Variants in NDRG4 observed in about 807,000 individuals in gnomAD.
The protein encoded by NDRG4 is protein NDRG4.
In NDRG4, 38 loss-of-function variants were observed where a neutral mutation model predicts 55.8. The ratio of observed to expected loss-of-function variants is 0.68; its 90% CI spans 0.53 to 0.89. NDRG4 has a LOEUF of 0.89. Ranked by LOEUF, NDRG4 falls within the 40% of genes least tolerant of loss-of-function variation. The pLI is 0.00. For synonymous variants in NDRG4, 190 were observed against 182.7 expected (o/e 1.04, Z -0.32); for missense variants, 455 against 468.6 (o/e 0.97, Z 0.27).
rs918778106 is a variant in NDRG4, at chr16:58,511,719, C to T, written c.*143C>T. 1.0e-5 allele frequency: 10 copies of T among 977,102 alleles called. No individual in the cohort carries two copies. In the African/African-American group the frequency reaches 1.6e-4, roughly 16 times the overall value. 60.5% of individuals were successfully genotyped at this position (977,102 alleles called of 1,614,324 possible). On this transcript the variant is annotated 3_prime_UTR_variant, in exon 15 of 15. Transcript: ENST00000570248. Reference sequence around the variant, plus strand: ...GAAAAAAATGAGGGGATCTTAGATGCTGCAGCAGAACAGTCTCCAGGTGTT... The same window carrying T: ...GAAAAAAATGAGGGGATCTTAGATGTTGCAGCAGAACAGTCTCCAGGTGTT...
At chr16:58,507,890 T>C (rs776238855) in intron 9 of NDRG4, 26 bp downstream of exon 9, 3 of 1,613,976 alleles carry the variant, frequency 1.9e-6, no homozygotes, top group African/African-American at 1.3e-5. Context: ...CCCTCTGGCC[T>C]GCCCTGGCCT....
chr16:58,472,167 G>A (rs2032946913), intron 1 of NDRG4: 1 of 152,208 alleles, frequency 6.6e-6, no homozygotes, highest in African/African-American at 2.4e-5. Flanking sequence ...TAAAGGAAGT[G>A]CACTCAGCCT....
intron 2 of NDRG4, among the ~76,000 whole-genome samples, chr16:58,492,984 A>G (rs144240543): frequency 6.6e-6 from 1 of 152,138 alleles, no homozygotes; most frequent in African/African-American, 2.4e-5. Context: ...GCCATTCTCT[A>G]TGTGACAGTC....
At chr16:58,466,656 C>T (rs895046584) in intron 1 of NDRG4, among the ~76,000 whole-genome samples, 1 of 152,214 alleles carries the variant, frequency 6.6e-6, no homozygotes, top group African/African-American at 2.4e-5. Context: ...GACAACCCAT[C>T]CCCTCTGTTG....
chr16:58,504,480 C>T, intron 4 of NDRG4, 59 bp downstream of exon 4: 1 of 1,610,774 alleles, frequency 6.2e-7, no homozygotes, highest in Non-Finnish European at 8.5e-7. Flanking sequence ...AACTGCAGAG[C>T]CACCTGGCTC....
chr16:58,485,285 GTC>G (rs2034960607), intron 1 of NDRG4, among the ~76,000 whole-genome samples: 1 of 152,176 alleles, frequency 6.6e-6, no homozygotes. Flanking sequence ...GCCCTGGACT[GTC>G]TGTTTTTCAT....
Position 58,464,725 on chromosome 16 carries a change from C to G in NDRG4, c.-24+928C>G. ...GTGGCCCCATGGGGTCTCTGACCAGCGGAGCTCGGATTAGGACCCTGAAAG... is the reference window on the plus strand; with the variant it reads ...GTGGCCCCATGGGGTCTCTGACCAGGGGAGCTCGGATTAGGACCCTGAAAG... On this transcript the variant is annotated intron_variant, in intron 1 of 15. Transcript: ENST00000258187. This position sits in a 1 kb window ranked among gnomAD's most constrained non-coding sequence, Gnocchi z 4.8. 4.0e-6 allele frequency: 5 copies of G among 1,257,800 alleles called. No homozygotes were observed. The highest frequency in any genetic ancestry group is 3.2e-5 in the East Asian group (1 of 31,506). 77.9% of individuals were successfully genotyped at this position (1,257,800 alleles called of 1,614,324 possible).
intron 1 of NDRG4, chr16:58,501,375 A>T (rs1488227967): frequency 3.3e-6 from 1 of 299,746 alleles, no homozygotes; most frequent in Non-Finnish European, 6.1e-6. Flanking sequence ...GGACCGACCG[A>T]GAGGAGCCGC....
intron 1 of NDRG4, among the ~76,000 whole-genome samples, chr16:58,502,523 C>G (rs1020106421): frequency 6.6e-6 from 1 of 152,250 alleles, no homozygotes; most frequent in Non-Finnish European, 1.5e-5. Flanking sequence ...CAGGCCTGGA[C>G]AGTGGTCCTC....
At chr16:58,511,090 T>G in intron 14 of NDRG4, 1 of 473,334 alleles carries the variant, frequency 2.1e-6, no homozygotes, top group East Asian at 3.5e-5. Flanking sequence ...GAGGGCAGTA[T>G]GCGACCACCG....
At position 58,506,620 on chromosome 16, in the gene NDRG4, G is replaced by A. The variant is rs372969385; in HGVS notation, c.516+6G>A. The stretch of plus-strand genomic sequence containing the variant: ...TCTCCCACCTCTTCAGCCAGGTAAG[G>A]GGGGGAACTTCTGCAGATCTGGGGT... On this transcript the variant is annotated splice_donor_region_variant and intron_variant, in intron 7 of 14. Transcript: ENST00000570248. The A allele has an allele frequency of 7.7e-6, 12 of 1,552,668 alleles. No individual in the cohort carries two copies. The highest frequency in any genetic ancestry group is 1.8e-4 in the Middle Eastern group (1 of 5,632).
intron 5 of NDRG4, among the ~76,000 whole-genome samples, chr16:58,505,619 T>C (rs1284930174): frequency 1.3e-5 from 2 of 151,728 alleles, no homozygotes; most frequent in African/African-American, 4.8e-5. Flanking sequence ...AGTCTAACAG[T>C]TGAAAAGAAA....
chr16:58,491,677 C>G (rs181164711), intron 2 of NDRG4, among the ~76,000 whole-genome samples: 1 of 152,090 alleles, frequency 6.6e-6, no homozygotes, highest in Non-Finnish European at 1.5e-5. Context: ...TCAGGCTGGC[C>G]TCAAACTCCC....
At chr16:58,502,306 T>C (rs1230600943) in intron 1 of NDRG4, among the ~76,000 whole-genome samples, 1 of 151,972 alleles carries the variant, frequency 6.6e-6, no homozygotes, top group Non-Finnish European at 1.5e-5. Context: ...GGAGGGGCTG[T>C]GTGGTCTGTC....
chr16:58,479,556 A>G (rs932922959), intron 1 of NDRG4, among the ~76,000 whole-genome samples: 1 of 152,224 alleles, frequency 6.6e-6, no homozygotes, highest in African/African-American at 2.4e-5. Flanking sequence ...ACCCACTGCC[A>G]TCCAGCCAGC....
At chr16:58,488,341 A>G (rs2035376450) in intron 2 of NDRG4, among the ~76,000 whole-genome samples, 1 of 152,210 alleles carries the variant, frequency 6.6e-6, no homozygotes, top group African/African-American at 2.4e-5. Flanking sequence ...ACAGGTTATG[A>G]TTTTGTCCCA....
intron 1 of NDRG4, among the ~76,000 whole-genome samples, chr16:58,474,552 C>T (rs1457313622): frequency 6.6e-6 from 1 of 152,162 alleles, no homozygotes; most frequent in Non-Finnish European, 1.5e-5. Context: ...TCTCTCCCCT[C>T]CTGTGAAGCT....
chr16:58,507,064 C>A, intron 8 of NDRG4, 49 bp downstream of exon 8: 2 of 1,414,710 alleles, frequency 1.4e-6, no homozygotes, highest in Non-Finnish European at 2.0e-6. Flanking sequence ...CCAGTGGGGG[C>A]CCTTGCACAC....
intron 1 of NDRG4, among the ~76,000 whole-genome samples, chr16:58,487,419 C>T (rs1282521270): frequency 6.6e-6 from 1 of 151,976 alleles, no homozygotes; most frequent in Non-Finnish European, 1.5e-5. Flanking sequence ...ACTTGGGAGG[C>T]TGAGGAAGGA....
Sources: allele counts gnomAD v4.1 joint callset (sites outside exome capture counted in the v4.1 genomes callset), GRCh38; gene constraint gnomAD v4.1.1; non-coding constraint Gnocchi (gnomAD v3.1); transcripts MANE v1.5; gene names NCBI Gene and HGNC (gene_info 2026-07-23, HGNC 2026-07-21).